The following FHIT variants were observed in gnomAD, a reference collection of about 807,000 sequenced individuals.
FHIT encodes bis(5'-adenosyl)-triphosphatase.
FHIT carries 19 observed loss-of-function variants against 17.9 expected under a neutral mutation model. The observed-to-expected ratio is 1.06, with a 90% CI of 0.74 to 1.56. The LOEUF (loss-of-function observed/expected upper bound fraction) is 1.56, where lower values mean the gene tolerates loss of function less well. FHIT is among the 40% of genes most tolerant of loss of function. The pLI, the probability that FHIT is intolerant of heterozygous loss-of-function variation, is 0.00. For missense variants in FHIT, 248 were observed against 189.2 expected (o/e 1.31, Z -1.82); for synonymous variants, 81 against 69.7 (o/e 1.16, Z -0.81).
intron 7 of FHIT, among the ~76,000 whole-genome samples, chr3:59,955,096 T>C (rs1707325921): frequency 6.6e-6 from 1 of 152,174 alleles, no homozygotes; most frequent in Non-Finnish European, 1.5e-5. Flanking sequence ...ACAACTGTAA[T>C]ATAGGAAAAA....
rs143232684 is a variant in FHIT, at chr3:60,522,331, G to A, written c.103+14529C>T. Among the ~76,000 whole-genome samples the A allele has an allele frequency of 2.5e-3, 374 of 152,194 alleles. 1 individual carries two copies. The highest frequency in any genetic ancestry group is 8.7e-3 in the African/African-American group (360 of 41,508). On this transcript the variant is annotated intron_variant, in intron 5 of 9. Coordinates refer to ENST00000492590, the MANE Select transcript of FHIT (RefSeq NM_002012.4). The stretch of plus-strand genomic sequence containing the variant: ...TCACCATGTTGGCCAGGCTGGTTTC[G>A]AACTCCTGACCTCAAGTGATCACCT...
intron 8 of FHIT, among the ~76,000 whole-genome samples, chr3:59,812,223 C>T (rs943090046): frequency 6.6e-6 from 1 of 152,148 alleles, no homozygotes; most frequent in Non-Finnish European, 1.5e-5. Flanking sequence ...ATACTAGTGC[C>T]AATGTCATGG....
chr3:60,455,786 G>A (rs1048208987), intron 5 of FHIT, among the ~76,000 whole-genome samples: 3 of 152,088 alleles, frequency 2.0e-5, no homozygotes, highest in Non-Finnish European at 2.9e-5. Flanking sequence ...CCAAATGGAG[G>A]AAAATTATTT....
chr3:60,477,451 T>A (rs1361251661), intron 5 of FHIT, among the ~76,000 whole-genome samples: 1 of 152,190 alleles, frequency 6.6e-6, no homozygotes, highest in Non-Finnish European at 1.5e-5. Flanking sequence ...AAGTCTTCTC[T>A]GACATCATTA....
chr3:60,305,960 A>C (rs145231312), intron 5 of FHIT, among the ~76,000 whole-genome samples: 1 of 152,146 alleles, frequency 6.6e-6, no homozygotes, highest in Non-Finnish European at 1.5e-5. Flanking sequence ...CTTAATTCTT[A>C]ATGTTTATAA....
At chr3:59,788,538 T>G (rs1315378300) in intron 8 of FHIT, among the ~76,000 whole-genome samples, 3 of 152,144 alleles carry the variant, frequency 2.0e-5, no homozygotes, top group Non-Finnish European at 4.4e-5. Flanking sequence ...CAGGTTTCCC[T>G]AAACAGGGCT....
intron 3 of FHIT, among the ~76,000 whole-genome samples, chr3:60,875,415 A>G (rs1285199263): frequency 6.6e-6 from 1 of 152,174 alleles, no homozygotes; most frequent in East Asian, 1.9e-4. Context: ...ATGCCAAGTT[A>G]GTTCTGTCAA....
At chr3:60,273,240 G>A (rs1260385086) in intron 5 of FHIT, among the ~76,000 whole-genome samples, 5 of 152,202 alleles carry the variant, frequency 3.3e-5, no homozygotes, top group East Asian at 1.9e-4. Flanking sequence ...TAAAAACTTC[G>A]TATTTCTTTG....
At chr3:61,231,007 A>ATATAGAAC (rs2040085939) in intron 1 of FHIT, among the ~76,000 whole-genome samples, 1 of 152,260 alleles carries the variant, frequency 6.6e-6, no homozygotes, top group Non-Finnish European at 1.5e-5. Context: ...TGGTAAAATC[A>ATATAGAAC]TATAGAACTA....
chr3:61,166,101 CT>C (rs2037829288), intron 2 of FHIT, among the ~76,000 whole-genome samples: 1 of 152,136 alleles, frequency 6.6e-6, no homozygotes, highest in African/African-American at 2.4e-5. Context: ...TGCACCATTA[CT>C]GTCTTCTAGC....
At chr3:60,148,684 G>C (rs979192456) in intron 5 of FHIT, among the ~76,000 whole-genome samples, 5 of 152,080 alleles carry the variant, frequency 3.3e-5, no homozygotes, top group Admixed American at 3.3e-4. Context: ...TCCCAATAAG[G>C]AAAGATAACT....
intron 7 of FHIT, among the ~76,000 whole-genome samples, chr3:59,938,350 A>C (rs1706345106): frequency 6.6e-6 from 1 of 152,154 alleles, no homozygotes; most frequent in African/African-American, 2.4e-5. Context: ...TTAAAGTAAA[A>C]TATATAGAGA....
At chr3:60,167,525 A>G (rs940702534) in intron 5 of FHIT, among the ~76,000 whole-genome samples, 3 of 152,228 alleles carry the variant, frequency 2.0e-5, no homozygotes, top group Non-Finnish European at 2.9e-5. Flanking sequence ...CAACTGAATT[A>G]CAAACACAGG....
intron 5 of FHIT, among the ~76,000 whole-genome samples, chr3:60,301,730 T>A (rs915143439): frequency 2.0e-5 from 3 of 152,042 alleles, no homozygotes; most frequent in Non-Finnish European, 4.4e-5. Context: ...ACATTGAAAA[T>A]TTTACACCTA....
chr3:59,963,435 CT>C (rs902830467), intron 7 of FHIT, among the ~76,000 whole-genome samples: 3 of 151,858 alleles, frequency 2.0e-5, no homozygotes, highest in African/African-American at 7.3e-5. Flanking sequence ...AAATTATTCA[CT>C]TGTTTTTTAT....
At chr3:60,883,671 A>G (rs1705073024) in intron 3 of FHIT, among the ~76,000 whole-genome samples, 1 of 152,010 alleles carries the variant, frequency 6.6e-6, no homozygotes, top group Non-Finnish European at 1.5e-5. Context: ...TGCAGAAAAA[A>G]TGAAACTAGA....
At chr3:60,533,252 T>A (rs1458346215) in intron 5 of FHIT, among the ~76,000 whole-genome samples, 1 of 152,184 alleles carries the variant, frequency 6.6e-6, no homozygotes, top group African/African-American at 2.4e-5. Flanking sequence ...AGACTTGGCC[T>A]TGGGGATGGG....
At chr3:60,814,871 G>T (rs73109627) in intron 4 of FHIT, among the ~76,000 whole-genome samples, 21,215 of 147,894 alleles carry the variant, frequency 0.14, 1,563 homozygotes, top group African/African-American at 0.17. Flanking sequence ...CCAACATGTG[G>T]TTTTTTTTTG....
At chr3:61,179,012 T>TTC (rs200037470) in intron 2 of FHIT, among the ~76,000 whole-genome samples, 3,645 of 141,362 alleles carry the variant, frequency 0.026, 41 homozygotes, top group African/African-American at 0.035. Flanking sequence ...CTTTTTCTTT[T>TTC]TTTTTTTTTT....
Sources: allele counts gnomAD v4.1 joint callset (sites outside exome capture counted in the v4.1 genomes callset), GRCh38; gene constraint gnomAD v4.1.1; transcripts MANE v1.5; gene names NCBI Gene and HGNC (gene_info 2026-07-23, HGNC 2026-07-21).